The following GLI3 variants were observed in gnomAD, a reference collection of about 807,000 sequenced individuals.
The protein encoded by GLI3 is transcription activator GLI3.
GLI3 carries 20 observed loss-of-function variants against 100.8 expected under a neutral mutation model. The observed-to-expected ratio is 0.20, with a 90% CI of 0.14 to 0.29. The LOEUF (loss-of-function observed/expected upper bound fraction) is 0.29. Ranked by LOEUF, GLI3 falls within the 10% of genes least tolerant of loss-of-function variation. The pLI, the probability that GLI3 is intolerant of heterozygous loss-of-function variation, is 1.00. For missense variants in GLI3, 2,040 were observed against 2,128.5 expected, an observed-to-expected ratio of 0.96 and a Z score of 0.82; for synonymous variants, 938 against 860.5, an observed-to-expected ratio of 1.09 and a Z score of -1.58.
chr7:42,234,268 ACT>A (rs1022607982), intron 1 of GLI3, among the ~76,000 whole-genome samples: 17 of 152,062 alleles, frequency 1.1e-4, no homozygotes, highest in Non-Finnish European at 2.1e-4. Context: ...AAGCTCCCAA[ACT>A]CTATCCTCAA....
intron 4 of GLI3, among the ~76,000 whole-genome samples, chr7:42,048,985 A>G (rs1784301498): frequency 6.6e-6 from 1 of 152,226 alleles, no homozygotes; most frequent in African/African-American, 2.4e-5. Flanking sequence ...TTCCATGAGA[A>G]GAAATTCTAA....
At chr7:42,030,683 C>T (rs1789260276) in intron 7 of GLI3, among the ~76,000 whole-genome samples, 2 of 148,838 alleles carry the variant, frequency 1.3e-5, no homozygotes, top group African/African-American at 5.0e-5. Context: ...GAAATTATTA[C>T]TATTGTTGAT....
chr7:42,061,989 C>G (rs539823122), intron 4 of GLI3, among the ~76,000 whole-genome samples: 7 of 152,252 alleles, frequency 4.6e-5, no homozygotes, highest in Admixed American at 2.0e-4. Context: ...AGAGAGAAAG[C>G]AAGTCTTCCA....
intron 3 of GLI3, among the ~76,000 whole-genome samples, chr7:42,112,000 A>G (rs6463088): frequency 0.4 from 61,161 of 152,004 alleles, 12,522 homozygotes; most frequent in Middle Eastern, 0.5. Context: ...GGAATAATAG[A>G]AAATGGAACC....
chr7:42,076,725 A>G (rs1340500475), intron 4 of GLI3, 27 bp downstream of exon 4: 1 of 1,372,660 alleles, frequency 7.3e-7, no homozygotes, highest in African/African-American at 1.4e-5. Context: ...GTTCCATTTC[A>G]TTAATGAAGA....
At chr7:41,991,021 TGCTGA>T (rs2128718047) in intron 10 of GLI3, among the ~76,000 whole-genome samples, 1 of 152,294 alleles carries the variant, frequency 6.6e-6, no homozygotes, top group African/African-American at 2.4e-5. Context: ...CCACAGTCCC[TGCTGA>T]GCTGACGCAT....
chr7:42,117,906 C>T (rs1256889750), intron 3 of GLI3, among the ~76,000 whole-genome samples: 1 of 152,146 alleles, frequency 6.6e-6, no homozygotes, highest in Non-Finnish European at 1.5e-5. Context: ...TGAGTAGCTG[C>T]CGCTGTCTCC....
intron 10 of GLI3, among the ~76,000 whole-genome samples, chr7:41,993,969 C>G (rs574739349): frequency 6.6e-6 from 1 of 152,074 alleles, no homozygotes; most frequent in East Asian, 1.9e-4. Flanking sequence ...TTAGTTGGCT[C>G]CTATTTGTTA....
intron 10 of GLI3, among the ~76,000 whole-genome samples, chr7:42,019,675 T>C (rs1457530509): frequency 6.6e-6 from 1 of 152,200 alleles, no homozygotes; most frequent in African/African-American, 2.4e-5. Context: ...GTCTGGTTAA[T>C]TTAAAATTGA....
intron 3 of GLI3, among the ~76,000 whole-genome samples, chr7:42,080,923 A>T (rs1784984341): frequency 6.6e-6 from 1 of 152,158 alleles, no homozygotes; most frequent in South Asian, 2.1e-4. Flanking sequence ...TTATTTACAC[A>T]TGAGCAGTGC....
chr7:42,129,638 G>A (rs543575123), intron 3 of GLI3, among the ~76,000 whole-genome samples: 5 of 152,166 alleles, frequency 3.3e-5, no homozygotes, highest in South Asian at 2.1e-4. Context: ...GTGAAACCCC[G>A]TCTCTACCAA....
intron 7 of GLI3, among the ~76,000 whole-genome samples, chr7:42,035,106 T>C (rs1031893742): frequency 1.3e-4 from 20 of 152,220 alleles, no homozygotes; most frequent in African/African-American, 4.8e-4. Flanking sequence ...ACTACTTTAC[T>C]GAAAATCGGG....
At chr7:42,123,260 A>G (rs1043279432) in intron 3 of GLI3, among the ~76,000 whole-genome samples, 4 of 152,222 alleles carry the variant, frequency 2.6e-5, no homozygotes, top group Non-Finnish European at 5.9e-5. Context: ...ACATTTCTAC[A>G]TCCTGAATCT....
rs537409525 is a variant in GLI3, at chr7:42,210,494, G to A, written c.124+12636C>T. Among the ~76,000 whole-genome samples, 4 of 152,096 alleles carry A rather than the reference G, an allele frequency of 2.6e-5. No individual in the cohort carries two copies. In the East Asian group the frequency reaches 7.7e-4, roughly 29 times the overall value. On this transcript the variant is annotated intron_variant, in intron 2 of 14. Transcript: ENST00000395925. ...CCCACCACCAACCTCCCTGCCCCCA[G>A]AGCAGTGTGAATACCAGGGATCTAG...
At chr7:42,183,497 CT>C in intron 2 of GLI3, among the ~76,000 whole-genome samples, 1 of 152,258 alleles carries the variant, frequency 6.6e-6, no homozygotes, top group Non-Finnish European at 1.5e-5. Context: ...GACAATCAAG[CT>C]TTGAAAAGTG....
intron 2 of GLI3, among the ~76,000 whole-genome samples, chr7:42,207,717 A>C (rs184408501): frequency 1.1e-4 from 16 of 152,344 alleles, no homozygotes; most frequent in African/African-American, 2.9e-4. Flanking sequence ...AAATGATCCT[A>C]GCATATGGTT....
intron 3 of GLI3, among the ~76,000 whole-genome samples, chr7:42,132,317 G>C (rs547292112): frequency 7.2e-5 from 11 of 151,952 alleles, no homozygotes; most frequent in East Asian, 3.9e-4. Context: ...AGCCAGGATG[G>C]TCTCGATCTC....
intron 3 of GLI3, among the ~76,000 whole-genome samples, chr7:42,086,153 C>T (rs893172377): frequency 6.6e-6 from 1 of 152,178 alleles, no homozygotes; most frequent in African/African-American, 2.4e-5. Flanking sequence ...TCACTGAATA[C>T]TTTAATGCAG....
intron 1 of GLI3, among the ~76,000 whole-genome samples, chr7:42,255,194 C>T (rs1789073198): frequency 6.6e-6 from 1 of 151,808 alleles, no homozygotes; most frequent in Admixed American, 6.6e-5. Flanking sequence ...AAATTATGGT[C>T]TTCTTTCAGA....
Sources: allele counts gnomAD v4.1 joint callset (sites outside exome capture counted in the v4.1 genomes callset), GRCh38; gene constraint gnomAD v4.1.1; transcripts MANE v1.5; gene names NCBI Gene and HGNC (gene_info 2026-07-23, HGNC 2026-07-21).